The following CUL3 variants were observed in gnomAD, a reference collection of about 807,000 sequenced individuals.
The protein encoded by CUL3 is cullin-3.
CUL3 carries 19 observed loss-of-function variants against 89.1 expected under a neutral mutation model. The observed-to-expected ratio is 0.21, with a 90% confidence interval of 0.15 to 0.31. CUL3 has a LOEUF of 0.31. Ranked by LOEUF, CUL3 falls within the 10% of genes least tolerant of loss-of-function variation. The pLI, the probability that CUL3 is intolerant of heterozygous loss-of-function variation, is 1.00. For synonymous variants in CUL3, 351 were observed against 308.4 expected (o/e 1.14, Z -1.45); for missense variants, 469 against 942.3 (o/e 0.50, Z 6.58).
intron 3 of CUL3, among the ~76,000 whole-genome samples, chr2:224,533,442 T>G (rs1423629266): frequency 6.6e-6 from 1 of 151,880 alleles, no homozygotes; most frequent in East Asian, 1.9e-4. Flanking sequence ...AATTCAAGGT[T>G]TGAGATTTTG....
chr2:224,486,494 G>A (rs574856037), intron 13 of CUL3, among the ~76,000 whole-genome samples: 3 of 151,824 alleles, frequency 2.0e-5, no homozygotes, highest in Non-Finnish European at 4.4e-5. Context: ...CAGCCAAATC[G>A]ATCAAGCAGA....
At position 224,505,920 on chromosome 2, in the gene CUL3, A is replaced by C. The variant is rs1692582673; in HGVS notation, c.1206+36T>G. ...ACATATAATTTTATATCTTTAAATAAAATTAAATGTTATTTTCAAATGCAT... is the reference window on the plus strand; with the variant it reads ...ACATATAATTTTATATCTTTAAATACAATTAAATGTTATTTTCAAATGCAT... On this transcript the variant is annotated intron_variant, in intron 8 of 15. Transcript: ENST00000264414. 3 of 1,343,400 alleles carry C rather than the reference A, an allele frequency of 2.2e-6. No homozygotes were observed. In the African/African-American group the frequency reaches 4.5e-5, roughly 20 times the overall value. The allele number at this position is 1,343,400 out of a possible 1,614,324, so 83.2% of individuals were successfully genotyped here.
At chr2:224,568,546 C>A (rs1281413828) in intron 1 of CUL3, among the ~76,000 whole-genome samples, 1 of 152,114 alleles carries the variant, frequency 6.6e-6, no homozygotes, top group African/African-American at 2.4e-5. Flanking sequence ...AATGTGTTTA[C>A]CCTCAGCAAT....
chr2:224,571,500 C>A (rs975150557), intron 1 of CUL3, among the ~76,000 whole-genome samples: 2 of 152,040 alleles, frequency 1.3e-5, no homozygotes, highest in Non-Finnish European at 2.9e-5. Flanking sequence ...AGGAAAAAAA[C>A]ATACAAAATA....
intron 3 of CUL3, among the ~76,000 whole-genome samples, chr2:224,531,944 G>C (rs1015302632): frequency 1.3e-5 from 2 of 152,130 alleles, no homozygotes; most frequent in African/African-American, 4.8e-5. Context: ...GAGAAATGAA[G>C]GTGGTTTGAT....
chr2:224,534,844 A>G (rs1349923050), intron 3 of CUL3, among the ~76,000 whole-genome samples: 2 of 151,536 alleles, frequency 1.3e-5, no homozygotes, highest in Non-Finnish European at 2.9e-5. Context: ...ATAAAAATAA[A>G]AATAAAAATA....
intron 2 of CUL3, among the ~76,000 whole-genome samples, chr2:224,548,763 G>A (rs1694397664): frequency 2.6e-5 from 4 of 152,112 alleles, no homozygotes. Context: ...CAGCACTTTG[G>A]GAGGCGGATG....
intron 3 of CUL3, among the ~76,000 whole-genome samples, chr2:224,524,478 C>CTGTT (rs1380705287): frequency 6.6e-6 from 1 of 152,110 alleles, no homozygotes; most frequent in Non-Finnish European, 1.5e-5. Context: ...GAAGAGACAA[C>CTGTT]TGTTAGAATT....
Position 224,522,215 on chromosome 2 carries a change from T to A in CUL3, c.379-7443A>T, listed in dbSNP as rs1574654062. ...CAGAGTTCACTTTCAAATCATGAAA[T>A]AAATACAGATTTAAAAAGGTTTAAC... On this transcript the variant is annotated intron_variant, in intron 3 of 15. Coordinates refer to ENST00000264414, the MANE Select transcript of CUL3 (RefSeq NM_003590.5). 3.3e-5 allele frequency among the ~76,000 whole-genome samples: 5 copies of A among 152,026 alleles called. No homozygotes were observed. The South Asian group carries it at 1.0e-3, about 31-fold the overall frequency.
intron 3 of CUL3, among the ~76,000 whole-genome samples, chr2:224,520,890 A>G (rs751970487): frequency 6.6e-5 from 10 of 152,244 alleles, no homozygotes; most frequent in Non-Finnish European, 1.3e-4. Context: ...AATTCAGCAC[A>G]TAAAAGTATG....
chr2:224,550,875 GCTTC>G (rs964813725), intron 2 of CUL3, among the ~76,000 whole-genome samples: 3 of 151,878 alleles, frequency 2.0e-5, no homozygotes, highest in African/African-American at 7.3e-5. Flanking sequence ...TCCTTAAATG[GCTTC>G]CTAACGTACA....
At chr2:224,486,661 C>T (rs547148070) in intron 13 of CUL3, among the ~76,000 whole-genome samples, 452 of 152,196 alleles carry the variant, frequency 3.0e-3, no homozygotes, top group Non-Finnish European at 5.6e-3. Flanking sequence ...CTGAAAGTGA[C>T]GGGGAGAATG....
At chr2:224,558,350 A>G (rs1449490766) in intron 1 of CUL3, among the ~76,000 whole-genome samples, 1 of 152,152 alleles carries the variant, frequency 6.6e-6, no homozygotes, top group Non-Finnish European at 1.5e-5. Flanking sequence ...CAATTCCACT[A>G]GTCAGTCTAC....
At chr2:224,495,804 T>C (rs752134640) in intron 13 of CUL3, 28 bp downstream of exon 13, 5 of 1,572,536 alleles carry the variant, frequency 3.2e-6, no homozygotes, top group East Asian at 2.2e-5. Flanking sequence ...AACAACACAG[T>C]TAAAATGTAT....
At chr2:224,503,159 T>C (rs112284122) in intron 9 of CUL3, 87 bp from the exon 10 acceptor site, 3 of 862,724 alleles carry the variant, frequency 3.5e-6, no homozygotes, top group Middle Eastern at 2.3e-4. Flanking sequence ...TTTCATGTTA[T>C]TGCTATCCCT....
chr2:224,497,808 TG>T lies in CUL3; in HGVS notation c.1651del (p.Gln551SerfsTer32). On this transcript the variant is annotated frameshift_variant, in exon 12 of 16. Coordinates refer to ENST00000264414, the MANE Select transcript of CUL3 (RefSeq NM_003590.5). LOFTEE classifies it high-confidence loss of function. The part of the protein sequence containing the change: ...AKHSGRQLTL[Q>X]HHMGSADLNA... ...GAGATCTGCAGAACCCATATGATGC[TG>T]GAGTGTGAGCTGTCGACCACTGTGT... 6.2e-7 allele frequency: 1 copy of T among 1,614,056 alleles called. No homozygotes were observed. The highest frequency in any genetic ancestry group is 8.5e-7 in the Non-Finnish European group (1 of 1,179,906).
chr2:224,518,862 C>A (rs996913014), intron 3 of CUL3, among the ~76,000 whole-genome samples: 1 of 152,190 alleles, frequency 6.6e-6, no homozygotes, highest in African/African-American at 2.4e-5. Context: ...CAACTTTAAG[C>A]ATAGTGATGG....
chr2:224,564,177 T>C (rs1694983304), intron 1 of CUL3, among the ~76,000 whole-genome samples: 1 of 152,114 alleles, frequency 6.6e-6, no homozygotes, highest in South Asian at 2.1e-4. Flanking sequence ...TCTCAGCTAC[T>C]TGGGAGGCTA....
At chr2:224,560,667 T>A (rs1179367442) in intron 1 of CUL3, 1 of 152,542 alleles carries the variant, frequency 6.6e-6, no homozygotes, top group African/African-American at 2.4e-5. Context: ...CCACTGCTAC[T>A]ATCCTGGTAA....
Sources: allele counts gnomAD v4.1 joint callset (sites outside exome capture counted in the v4.1 genomes callset), GRCh38; gene constraint gnomAD v4.1.1; transcripts MANE v1.5; gene names NCBI Gene and HGNC (gene_info 2026-07-23, HGNC 2026-07-21).